Variants in CNGB1 observed in about 807,000 individuals in gnomAD.
CNGB1 encodes the protein cyclic nucleotide gated channel subunit beta 1.
CNGB1 carries 126 observed loss-of-function variants against 151.7 expected under a neutral mutation model. The ratio of observed to expected loss-of-function variants is 0.83; its 90% CI spans 0.72 to 0.96. The LOEUF (loss-of-function observed/expected upper bound fraction) is 0.96. CNGB1 is among the 40% of genes least tolerant of loss of function. CNGB1 has a pLI of 0.00. For missense variants in CNGB1, 1,698 were observed against 1,627.0 expected (o/e 1.04, Z -0.75); for synonymous variants, 623 against 635.1 (o/e 0.98, Z 0.29).
intron 1 of CNGB1, among the ~76,000 whole-genome samples, chr16:57,969,763 G>A (rs1417137144): frequency 1.3e-5 from 2 of 152,230 alleles, no homozygotes; most frequent in Non-Finnish European, 2.9e-5. Flanking sequence ...GGGGAATGGG[G>A]AGCCCCAGCC....
At chr16:57,934,327 G>C (rs1286767288) in intron 16 of CNGB1, among the ~76,000 whole-genome samples, 1 of 152,120 alleles carries the variant, frequency 6.6e-6, no homozygotes, top group Non-Finnish European at 1.5e-5. Flanking sequence ...CCAGCTACTT[G>C]GGAGGCTGAG....
chr16:57,909,868 C>T (rs867911999), intron 25 of CNGB1, among the ~76,000 whole-genome samples: 3 of 152,294 alleles, frequency 2.0e-5, no homozygotes, highest in Middle Eastern at 3.4e-3. Flanking sequence ...ACTCATGAAC[C>T]GTGTAACCTT....
chr16:57,905,042 G>A (rs1445034782), intron 25 of CNGB1, among the ~76,000 whole-genome samples, 167 bp from the exon 26 acceptor site: 1 of 152,176 alleles, frequency 6.6e-6, no homozygotes, highest in Non-Finnish European at 1.5e-5. Context: ...AGAGCACGTT[G>A]CCGTTTGCAG....
In CNGB1 at chr16:57,962,979, C is replaced by G. The variant is rs200332871; in HGVS notation, c.376G>C (p.Ala126Pro). Reference sequence around the variant, plus strand: ...GCCTCCAGCCCCAGCAGTACCTGAGCCGGGTCCTCCGTGATGCTGTGAACA... The same window carrying G: ...GCCTCCAGCCCCAGCAGTACCTGAGGCGGGTCCTCCGTGATGCTGTGAACA... ...QPVHSITEDP[A>P]QILGHGSTGD... is the part of the protein sequence containing the mutation. The change falls in exon 5 of 33, where the codon GCT becomes CCT. Residue 126 changes from alanine (A) to proline (P), a missense_variant. Physicochemically the swap from Ala to Pro is conservative, Grantham distance 27. Coordinates refer to ENST00000251102, the MANE Select transcript of CNGB1 (RefSeq NM_001297.5). The G allele has an allele frequency of 4.0e-4, 640 of 1,613,326 alleles. 1 individual carries two copies. The African/African-American group carries it at 7.7e-3, about 19-fold the overall frequency.
At chr16:57,955,353 C>G in intron 12 of CNGB1, 1 of 1,551,774 alleles carries the variant, frequency 6.4e-7, no homozygotes, top group South Asian at 1.2e-5. Flanking sequence ...TCAGAGACCT[C>G]CAGCTCCCAT....
intron 16 of CNGB1, among the ~76,000 whole-genome samples, chr16:57,935,156 G>A (rs1961474393): frequency 6.6e-6 from 1 of 151,936 alleles, no homozygotes; most frequent in Admixed American, 6.5e-5. Context: ...AATCCCACTT[G>A]TGGCTAACAG....
rs550782402 is a variant in CNGB1 at position 57,956,058 on chromosome 16, G to A, written c.874+1283C>T. Among the ~76,000 whole-genome samples, 49 of 152,308 alleles carry A rather than the reference G, an allele frequency of 3.2e-4. No individual in the cohort carries two copies. The South Asian group carries it at 8.7e-3, about 27-fold the overall frequency. ...GTCCACCCATAACCCATATGCTCCA[G>A]GCATTGCAGGGAGGCCCTGGCCACA... On this transcript the variant is annotated intron_variant, in intron 12 of 32. Coordinates refer to ENST00000251102, the MANE Select transcript of CNGB1 (RefSeq NM_001297.5).
intron 16 of CNGB1, among the ~76,000 whole-genome samples, chr16:57,935,899 C>T (rs1961496039): frequency 1.3e-5 from 2 of 152,088 alleles, no homozygotes; most frequent in South Asian, 4.2e-4. Flanking sequence ...CTCATCTCCT[C>T]TCTGTGCCCA....
Position 57,962,825 on chromosome 16 carries a change from C to T in CNGB1, c.412+17G>A, listed in dbSNP as rs374522750. ...TCAGCCCTGCTGCTGAAAAGCCATC[C>T]TGCCCCTTGTTCTTACCTGTGTCCC... On this transcript the variant is annotated intron_variant, in intron 6 of 32. Transcript: ENST00000251102. The T allele has an allele frequency of 2.5e-6, 4 of 1,612,642 alleles. No homozygotes were observed. Among genetic ancestry groups the T allele is most frequent in the Admixed American group, 3.3e-5 (2 of 60,008 alleles).
intron 31 of CNGB1, among the ~76,000 whole-genome samples, chr16:57,894,102 C>T (rs1275489366): frequency 2.0e-5 from 3 of 152,146 alleles, no homozygotes; most frequent in Non-Finnish European, 2.9e-5. Flanking sequence ...CACGGTTATT[C>T]GTTGCACCAC....
intron 12 of CNGB1, among the ~76,000 whole-genome samples, chr16:57,952,822 G>A (rs1161879975): frequency 9.9e-5 from 15 of 152,094 alleles, no homozygotes; most frequent in South Asian, 4.2e-4. Flanking sequence ...TTCCATCTCC[G>A]CAGCAGGCCT....
At position 57,923,277 on chromosome 16, in the gene CNGB1, T is replaced by C. The variant is rs1429316505; in HGVS notation, c.1639A>G (p.Thr547Ala). 5 of 1,588,538 alleles carry C rather than the reference T, an allele frequency of 3.1e-6. No individual in the cohort carries two copies. Among genetic ancestry groups the C allele is most frequent in the Non-Finnish European group, 4.3e-6 (5 of 1,167,162 alleles). The stretch of plus-strand genomic sequence containing the variant: ...GAGACCCCAGAGGGGTCTCACTCAG[T>C]GTCCTTCGGGGTGGTGGGGTCAGAC... ...AWSDPTTPKD[T>A]DGQDRAASTA... The change falls in exon 18 of 33, where the codon ACT becomes GCT. Residue 547 changes from threonine to alanine, a missense_variant. By Grantham distance (58) the Thr-to-Ala change is moderately conservative (BLOSUM62 0). Coordinates refer to ENST00000251102, the MANE Select transcript of CNGB1 (RefSeq NM_001297.5).
rs1962205818 is a variant in CNGB1 at position 57,960,144 on chromosome 16, ATT to A, written c.584-81_584-80del. ...CAACCCCTCAAGGGCACGGGGCCAG[ATT>A]CGAGTCGCTAACAGGACTGAATGGG... On this transcript the variant is annotated intron_variant, in intron 9 of 32. Coordinates refer to ENST00000251102, the MANE Select transcript of CNGB1 (RefSeq NM_001297.5). 4 of 1,526,066 alleles carry A rather than the reference ATT, an allele frequency of 2.6e-6. No individual in the cohort carries two copies. The Admixed American group carries it at 7.9e-5, about 30-fold the overall frequency. The allele number at this position is 1,526,066 out of a possible 1,614,324, so 94.5% of individuals were successfully genotyped here.
intron 12 of CNGB1, among the ~76,000 whole-genome samples, chr16:57,955,650 T>G (rs1034179033): frequency 6.6e-6 from 1 of 152,182 alleles, no homozygotes; most frequent in East Asian, 1.9e-4. Flanking sequence ...CATCCCGGAT[T>G]GAGGGTGGGC....
At chr16:57,955,390 G>T (rs1428300333) in intron 12 of CNGB1, 6 of 1,549,210 alleles carry the variant, frequency 3.9e-6, no homozygotes, top group South Asian at 1.2e-5. Context: ...GAGAAGACAG[G>T]GTGGGTGGCT....
intron 12 of CNGB1, among the ~76,000 whole-genome samples, chr16:57,951,180 C>G (rs1403746861): frequency 1.3e-5 from 2 of 152,150 alleles, no homozygotes; most frequent in African/African-American, 4.8e-5. Flanking sequence ...AACAAAAACA[C>G]CCTGGGCCTA....
At chr16:57,894,635 C>T (rs1298998105) in intron 31 of CNGB1, among the ~76,000 whole-genome samples, 1 of 152,138 alleles carries the variant, frequency 6.6e-6, no homozygotes, top group Non-Finnish European at 1.5e-5. Flanking sequence ...GTGGACTTGT[C>T]CATTTTCGCA....
rs562353644 is a variant in CNGB1 at position 57,956,560 on chromosome 16, A to G, written c.874+781T>C. Among the ~76,000 whole-genome samples, 4 of 152,266 alleles carry G rather than the reference A, an allele frequency of 2.6e-5. No homozygotes were observed. The East Asian group carries it at 7.7e-4, about 29-fold the overall frequency. On this transcript the variant is annotated intron_variant, in intron 12 of 32. Transcript: ENST00000251102. ...GCTGGGGCTGGACACAGCCTTGCAGACACAGGGCAGAGCTCAGAGCCCTGG... is the reference window on the plus strand; with the variant it reads ...GCTGGGGCTGGACACAGCCTTGCAGGCACAGGGCAGAGCTCAGAGCCCTGG...
At chr16:57,919,369 A>T in intron 19 of CNGB1, 115 bp from the exon 20 acceptor site, 1 of 1,585,276 alleles carries the variant, frequency 6.3e-7, no homozygotes. Flanking sequence ...CCCTGGCACC[A>T]TTATACAAGC....
Sources: gnomAD v4.1 joint callset for allele counts (sites outside exome capture counted in the v4.1 genomes callset) on GRCh38, gnomAD v4.1.1 for gene constraint, MANE v1.5 for transcripts, NCBI Gene and HGNC (gene_info 2026-07-23, HGNC 2026-07-21) for gene names.